The following WDR7 variants were observed in gnomAD, a reference collection of about 807,000 sequenced individuals.
The protein encoded by WDR7 is WD repeat domain 7, also known as WD repeat-containing protein 7.
WDR7 carries 46 observed loss-of-function variants against 169.4 expected under a neutral mutation model. The observed-to-expected ratio is 0.27, with a 90% CI of 0.21 to 0.35. The LOEUF (loss-of-function observed/expected upper bound fraction) is 0.35. WDR7 is among the 10% of genes least tolerant of loss of function. The pLI, the probability that WDR7 is intolerant of heterozygous loss-of-function variation, is 1.00. For missense variants in WDR7, 1,534 were observed against 1,859.3 expected (o/e 0.83, Z 3.22); for synonymous variants, 612 against 666.8 (o/e 0.92, Z 1.27).
chr18:56,904,248 T>C (rs1436434696), intron 21 of WDR7, among the ~76,000 whole-genome samples: 1 of 151,992 alleles, frequency 6.6e-6, no homozygotes. Context: ...TTTTGTATTT[T>C]TAATAGAGAC....
At chr18:56,756,464 G>C (rs1379131051) in intron 14 of WDR7, 119 bp from the exon 15 acceptor site, 12 of 895,748 alleles carry the variant, frequency 1.3e-5, no homozygotes, top group Non-Finnish European at 1.8e-5. Context: ...CATGATATAG[G>C]TTCCTAGAAG....
chr18:56,658,170 C>A (rs1400138060), intron 1 of WDR7, among the ~76,000 whole-genome samples: 2 of 152,160 alleles, frequency 1.3e-5, no homozygotes, highest in Non-Finnish European at 2.9e-5. Flanking sequence ...GTGGTATGAT[C>A]TCGGCTCACT....
At chr18:56,759,532 A>G (rs1006401069) in intron 16 of WDR7, among the ~76,000 whole-genome samples, 1 of 152,190 alleles carries the variant, frequency 6.6e-6, no homozygotes, top group African/African-American at 2.4e-5. Flanking sequence ...TAATTAATTA[A>G]TATACTTAGA....
Position 56,696,426 on chromosome 18 carries a change from G to A in WDR7, c.1542G>A (p.Glu514=), listed in dbSNP as rs761822473. 1.9e-6 allele frequency: 3 copies of A among 1,613,914 alleles called. No individual in the cohort carries two copies. The East Asian group carries it at 6.7e-5, about 36-fold the overall frequency. Residue 514 remains glutamate (E), a synonymous_variant, in exon 12 of 28, where the codon GAG becomes GAA. Coordinates refer to ENST00000254442, the MANE Select transcript of WDR7 (RefSeq NM_015285.3). ...ATATCTTCTGTGTTCATGGTGGTGA[G>A]ATTACTCAACTTCTAGTTCCACCTG... The part of the protein sequence containing the change: ...MKHIFCVHGG[E]ITQLLVPPEN...
intron 12 of WDR7, among the ~76,000 whole-genome samples, chr18:56,707,562 A>G (rs919751918): frequency 1.1e-4 from 16 of 152,044 alleles, no homozygotes; most frequent in African/African-American, 3.6e-4. Context: ...CATTGCCTGA[A>G]AATTGGGGTT....
intron 19 of WDR7, among the ~76,000 whole-genome samples, chr18:56,792,623 T>TC (rs1429131995): frequency 6.6e-6 from 1 of 151,726 alleles, no homozygotes; most frequent in East Asian, 1.9e-4. Context: ...TTTTTTTTTT[T>TC]TTTTTGAAAA....
intron 21 of WDR7, among the ~76,000 whole-genome samples, chr18:56,880,834 T>A (rs1256444416): frequency 6.6e-6 from 1 of 152,194 alleles, no homozygotes; most frequent in Non-Finnish European, 1.5e-5. Flanking sequence ...TAATAATAGG[T>A]AAGGGTGCTT....
At chr18:56,835,360 G>A (rs915071803) in intron 20 of WDR7, among the ~76,000 whole-genome samples, 2 of 152,208 alleles carry the variant, frequency 1.3e-5, no homozygotes, top group African/African-American at 4.8e-5. Context: ...ATGTGCATTA[G>A]TGGACAGTGT....
intron 21 of WDR7, among the ~76,000 whole-genome samples, chr18:56,884,634 G>A (rs1376602633): frequency 2.0e-5 from 3 of 152,204 alleles, no homozygotes; most frequent in African/African-American, 7.2e-5. Context: ...CACGGCTGCA[G>A]CAAGCCAGGC....
At chr18:56,852,140 G>C (rs1350564369) in intron 20 of WDR7, among the ~76,000 whole-genome samples, 1 of 151,990 alleles carries the variant, frequency 6.6e-6, no homozygotes, top group African/African-American at 2.4e-5. Flanking sequence ...TTCCCACCCT[G>C]TATCACCCAG....
intron 16 of WDR7, among the ~76,000 whole-genome samples, chr18:56,768,531 T>C (rs1599028957): frequency 6.6e-6 from 1 of 152,198 alleles, no homozygotes; most frequent in African/African-American, 2.4e-5. Flanking sequence ...ATGTACTCTC[T>C]TGAGTAGTAT....
chr18:56,746,309 A>G (rs2043702679), intron 14 of WDR7, among the ~76,000 whole-genome samples: 1 of 152,208 alleles, frequency 6.6e-6, no homozygotes, highest in Non-Finnish European at 1.5e-5. Flanking sequence ...CCTCAATCAC[A>G]ATCACACTAA....
intron 15 of WDR7, among the ~76,000 whole-genome samples, chr18:56,758,241 C>G (rs1373688920): frequency 6.6e-6 from 1 of 152,162 alleles, no homozygotes; most frequent in Non-Finnish European, 1.5e-5. Context: ...CTAACAAATA[C>G]TTATATAGCA....
chr18:56,954,642 A>G (rs751677537), intron 25 of WDR7, among the ~76,000 whole-genome samples: 1 of 152,124 alleles, frequency 6.6e-6, no homozygotes, highest in East Asian at 1.9e-4. Flanking sequence ...AGTTACGTTC[A>G]CTTCTTAACT....
At chr18:56,893,026 G>C (rs187002349) in intron 21 of WDR7, among the ~76,000 whole-genome samples, 8 of 152,060 alleles carry the variant, frequency 5.3e-5, no homozygotes, top group Non-Finnish European at 1.2e-4. Context: ...ATAATTTTTT[G>C]GTCTAGAATG....
At chr18:56,963,059 A>G (rs2047358722) in intron 26 of WDR7, among the ~76,000 whole-genome samples, 2 of 152,180 alleles carry the variant, frequency 1.3e-5, no homozygotes, top group African/African-American at 4.8e-5. Context: ...TGCTTTTATA[A>G]CACTTCACTG....
intron 20 of WDR7, among the ~76,000 whole-genome samples, chr18:56,866,596 A>AT (rs1156980980): frequency 1.3e-5 from 2 of 152,044 alleles, no homozygotes; most frequent in African/African-American, 4.8e-5. Context: ...TAGATAAATT[A>AT]TTTTTTCTTT....
At chr18:57,001,168 T>C (rs896546449) in intron 26 of WDR7, among the ~76,000 whole-genome samples, 1 of 152,118 alleles carries the variant, frequency 6.6e-6, no homozygotes, top group Non-Finnish European at 1.5e-5. Flanking sequence ...TAGCTAGTAA[T>C]ATAAATTAAG....
chr18:56,996,187 T>C (rs2145872704), intron 26 of WDR7, among the ~76,000 whole-genome samples: 1 of 152,358 alleles, frequency 6.6e-6, no homozygotes. Context: ...TGATTGAGAA[T>C]CTGTTTCTGC....
Sources: gnomAD v4.1 joint callset for allele counts (sites outside exome capture counted in the v4.1 genomes callset) on GRCh38, gnomAD v4.1.1 for gene constraint, MANE v1.5 for transcripts, NCBI Gene and HGNC (gene_info 2026-07-23, HGNC 2026-07-21) for gene names.